The following SLC61A1 variants were observed in gnomAD, a reference collection of about 807,000 sequenced individuals.
SLC61A1 encodes the protein major facilitator superfamily domain containing 5.
chr12:53,251,588 T>G, the SLC61A1 span: 2 of 786,162 alleles, frequency 2.5e-6, no homozygotes, highest in Non-Finnish European at 3.9e-6. Context: ...ACTGGGACAC[T>G]GGGAAGTTAT....
At chr12:53,253,399 A>C in the SLC61A1 span, 1 of 1,613,852 alleles carries the variant, frequency 6.2e-7, no homozygotes, top group Non-Finnish European at 8.5e-7. Flanking sequence ...CAGGTGTGGC[A>C]GCTGAGGCTG....
chr12:53,252,271 G>A, the SLC61A1 span: 8 of 1,399,200 alleles, frequency 5.7e-6, no homozygotes, highest in South Asian at 1.3e-4. Context: ...GGCAGCAGGT[G>A]AGGCGGAGTC....
At chr12:53,251,263 G>T in the SLC61A1 span, 1 of 164,936 alleles carries the variant, frequency 6.1e-6, no homozygotes, top group African/African-American at 2.4e-5. Context: ...AAGCCCTGGT[G>T]GTAGCCAACA....
At chr12:53,253,151 A>G in the SLC61A1 span, 7 of 1,614,162 alleles carry the variant, frequency 4.3e-6, no homozygotes, top group Non-Finnish European at 5.9e-6. Flanking sequence ...GGGTCGCAAG[A>G]ATTCTTGTGT....
chr12:53,253,899 G>A, the SLC61A1 span: 9 of 1,614,102 alleles, frequency 5.6e-6, no homozygotes, highest in South Asian at 1.1e-5. Flanking sequence ...TTGGCTTGTG[G>A]ATTATACTTT....
the SLC61A1 span, chr12:53,253,948 G>A: frequency 1.9e-6 from 3 of 1,614,122 alleles, no homozygotes; most frequent in African/African-American, 2.7e-5. Context: ...TGATCCCTGA[G>A]ACAGAGCAGG....
chr12:53,251,674 C>G, the SLC61A1 span: 1 of 1,474,666 alleles, frequency 6.8e-7, no homozygotes, highest in Non-Finnish European at 9.0e-7. Context: ...AGCCCGACTC[C>G]AAGTTCTTTA....
chr12:53,252,120 G>GCCAGAGGCCTGCCCGGCTC, the SLC61A1 span: 7 of 1,445,882 alleles, frequency 4.8e-6, no homozygotes, highest in African/African-American at 1.4e-5. Flanking sequence ...CATGGCGGCG[G>GCCAGAGGCCTGCCCGGCTC]CCAGAGGCCT....
At chr12:53,252,218 G>A in the SLC61A1 span, 4 of 1,414,212 alleles carry the variant, frequency 2.8e-6, no homozygotes, top group Non-Finnish European at 3.7e-6. Context: ...GGGTGGCCTG[G>A]CGGCCTGGAG....
the SLC61A1 span, chr12:53,253,150 G>A: frequency 6.2e-7 from 1 of 1,614,252 alleles, no homozygotes; most frequent in Non-Finnish European, 8.5e-7. Context: ...TGGGTCGCAA[G>A]AATTCTTGTG....
At chr12:53,254,007 T>G in the SLC61A1 span, 1 of 1,614,186 alleles carries the variant, frequency 6.2e-7, no homozygotes. Flanking sequence ...CTGGCTTGCC[T>G]AGGGCTCCTT....
chr12:53,253,121 T>A, the SLC61A1 span: 1 of 1,614,268 alleles, frequency 6.2e-7, no homozygotes, highest in South Asian at 1.1e-5. Context: ...CCTAGTGGCC[T>A]CCTCCCTTGT....
At chr12:53,253,381 T>C in the SLC61A1 span, 2 of 1,614,260 alleles carry the variant, frequency 1.2e-6, no homozygotes, top group Non-Finnish European at 8.5e-7. Flanking sequence ...ATGTGCTGGC[T>C]GTAGTGGCAG....
At chr12:53,253,061 C>A in the SLC61A1 span, 2 of 1,614,242 alleles carry the variant, frequency 1.2e-6, no homozygotes, top group Non-Finnish European at 1.7e-6. Flanking sequence ...CCTGGAAGGT[C>A]AAATTGCCAT....
chr12:53,252,500 T>G, the SLC61A1 span: 1 of 1,338,212 alleles, frequency 7.5e-7, no homozygotes, highest in Non-Finnish European at 9.6e-7. Context: ...GAAGGAAGTG[T>G]ACGGGAGCTG....
chr12:53,251,980 C>A, the SLC61A1 span: 2 of 1,536,838 alleles, frequency 1.3e-6, no homozygotes, highest in Non-Finnish European at 1.7e-6. Context: ...GCAACCGCAG[C>A]CTCCTATGGT....
At chr12:53,252,769 G>T in the SLC61A1 span, 7 of 1,583,426 alleles carry the variant, frequency 4.4e-6, no homozygotes, top group Non-Finnish European at 5.1e-6. Context: ...CCCCTTGACC[G>T]TGCTGCCCGA....
At chr12:53,253,517 C>A in the SLC61A1 span, 3 of 1,614,136 alleles carry the variant, frequency 1.9e-6, no homozygotes, top group Non-Finnish European at 2.5e-6. Context: ...GAACTATGAC[C>A]GGCAGCGTGC....
At chr12:53,251,782 G>A in the SLC61A1 span, 6 of 1,537,268 alleles carry the variant, frequency 3.9e-6, no homozygotes, top group Non-Finnish European at 5.2e-6. Context: ...GACCTTCTCG[G>A]CTTCGGGCAG....
Sources: gnomAD v4.1 joint callset for allele counts on GRCh38, gnomAD v4.1.1 for gene constraint, MANE v1.5 for transcripts, NCBI Gene and HGNC (gene_info 2026-07-23, HGNC 2026-07-21) for gene names.